The following DERA variants were observed in gnomAD, a reference collection of about 807,000 sequenced individuals.
DERA encodes 2-deoxy-D-ribose 5-phosphate aldolase.
In DERA, 15 loss-of-function variants were observed where a neutral mutation model predicts 41.1. The observed-to-expected ratio is 0.37, with a 90% CI of 0.24 to 0.56. The LOEUF is 0.56. Ranked by LOEUF, DERA falls within the 20% of genes least tolerant of loss-of-function variation. The probability of loss-of-function intolerance (pLI) is 0.81; values close to 1 mark genes in which losing one functional copy is unlikely to be tolerated. For missense variants in DERA, 396 were observed against 403.4 expected (o/e 0.98, Z 0.16); for synonymous variants, 139 against 137.4 (o/e 1.01, Z -0.08).
At position 16,000,824 on chromosome 12, in the gene DERA, A is replaced by G. The variant is rs920895759; in HGVS notation, c.637+18388A>G. Among the ~76,000 whole-genome samples, 1 of 152,046 alleles carries G rather than the reference A, an allele frequency of 6.6e-6. No homozygotes were observed. Among genetic ancestry groups the G allele is most frequent in the African/African-American group, 2.4e-5 (1 of 41,448 alleles). The stretch of plus-strand genomic sequence containing the variant: ...ATGTTACCTCAGAGTCTGTAATGAT[A>G]CCTATAGTTGCATCCATCAGATGTT... On this transcript the variant is annotated intron_variant, in intron 6 of 8. Transcript: ENST00000428559. The surrounding 1 kb of genome is among the most constrained non-coding windows in gnomAD (Gnocchi z 4.8).
rs1948360115 is a variant in DERA, at chr12:15,935,757, C to CA, written c.32-21175dup. Among the ~76,000 whole-genome samples the CA allele has an allele frequency of 6.6e-6, 1 of 151,916 alleles. No individual in the cohort carries two copies. The highest frequency in any genetic ancestry group is 6.6e-5 in the Admixed American group (1 of 15,258). ...TTTGTTGTTGTGTAATATATTACTCCAAAATTTAGGGGCCTGAAACAATAA... is the reference window on the plus strand; with the variant it reads ...TTTGTTGTTGTGTAATATATTACTCCAAAAATTTAGGGGCCTGAAACAATAA... On this transcript the variant is annotated intron_variant, in intron 1 of 8. Coordinates refer to ENST00000428559, the MANE Select transcript of DERA (RefSeq NM_015954.4). This position sits in a 1 kb window ranked among gnomAD's most constrained non-coding sequence, Gnocchi z 4.8.
intron 6 of DERA, among the ~76,000 whole-genome samples, chr12:16,005,317 G>A (rs532640801): frequency 3.3e-5 from 5 of 152,132 alleles, no homozygotes; most frequent in South Asian, 2.1e-4. Context: ...ACGGTAAGGC[G>A]CACCTACAGT....
At position 16,013,474 on chromosome 12, in the gene DERA, T is replaced by C. The variant is rs1948960093; in HGVS notation, c.638-19068T>C. On this transcript the variant is annotated intron_variant, in intron 6 of 8. Transcript: ENST00000428559. This position sits in a 1 kb window ranked among gnomAD's most constrained non-coding sequence, Gnocchi z 5.8. The stretch of plus-strand genomic sequence containing the variant: ...TTGCTCGGCACTTCTTGCTGCTGCC[T>C]TGTGAAGAAGGTGCCTCACTACCCC... 2.0e-5 allele frequency among the ~76,000 whole-genome samples: 3 copies of C among 152,184 alleles called. No individual in the cohort carries two copies. The highest frequency in any genetic ancestry group is 4.8e-5 in the African/African-American group (2 of 41,448).
rs1002434332 is a variant in DERA at position 15,924,760 on chromosome 12, C to T, written c.31+13346C>T. Among the ~76,000 whole-genome samples, 4 of 152,252 alleles carry T rather than the reference C, an allele frequency of 2.6e-5. No individual in the cohort carries two copies. The highest frequency in any genetic ancestry group is 5.9e-5 in the Non-Finnish European group (4 of 68,022). On this transcript the variant is annotated intron_variant, in intron 1 of 8. Coordinates refer to ENST00000428559, the MANE Select transcript of DERA (RefSeq NM_015954.4). This position sits in a 1 kb window ranked among gnomAD's most constrained non-coding sequence, Gnocchi z 5.0. The stretch of plus-strand genomic sequence containing the variant: ...AAATACTTGGCTTTCACCATTTCAC[C>T]TCCTCCCTGAAGGCTTACTTGGTCT...
At chr12:16,033,767 G>A (rs921261376) in intron 7 of DERA, among the ~76,000 whole-genome samples, 1 of 151,804 alleles carries the variant, frequency 6.6e-6, no homozygotes, top group African/African-American at 2.4e-5. Context: ...AGTTTATTTT[G>A]GAATAGTGAC....
intron 6 of DERA, among the ~76,000 whole-genome samples, chr12:16,024,799 G>A (rs968860475): frequency 6.6e-6 from 1 of 151,762 alleles, no homozygotes; most frequent in Admixed American, 6.6e-5. Context: ...TAGAGAAGGA[G>A]TAAATGAAAA....
At chr12:15,975,477 A>T (rs1461640802) in intron 5 of DERA, among the ~76,000 whole-genome samples, 1 of 152,034 alleles carries the variant, frequency 6.6e-6, no homozygotes. Context: ...TAGCTGCATG[A>T]CTCTTAAGCC....
Position 15,938,855 on chromosome 12 carries a change from A to G in DERA, c.32-18081A>G, listed in dbSNP as rs1022500714. On this transcript the variant is annotated intron_variant, in intron 1 of 8. Coordinates refer to ENST00000428559, the MANE Select transcript of DERA (RefSeq NM_015954.4). The surrounding 1 kb of genome is among the most constrained non-coding windows in gnomAD (Gnocchi z 4.1). ...TTGCTAATTCAAATACTGTAAAATTAAAAGTCTTCTCAATTTCATTTCTTT... is the reference window on the plus strand; with the variant it reads ...TTGCTAATTCAAATACTGTAAAATTGAAAGTCTTCTCAATTTCATTTCTTT... Among the ~76,000 whole-genome samples, 10 of 152,230 alleles carry G rather than the reference A, an allele frequency of 6.6e-5. No individual in the cohort carries two copies. The highest frequency in any genetic ancestry group is 2.4e-4 in the African/African-American group (10 of 41,474).
chr12:15,953,698 C>T (rs999166004), intron 1 of DERA, among the ~76,000 whole-genome samples: 1 of 152,106 alleles, frequency 6.6e-6, no homozygotes, highest in African/African-American at 2.4e-5. Context: ...AGATTATGTG[C>T]ATTAGAATCA....
intron 6 of DERA, among the ~76,000 whole-genome samples, chr12:16,007,127 T>G (rs1001324294): frequency 6.6e-6 from 1 of 152,166 alleles, no homozygotes; most frequent in Non-Finnish European, 1.5e-5. Flanking sequence ...ATTGTAAAAC[T>G]TAGTTATGTT....
Position 15,982,490 on chromosome 12 carries a change from A to T in DERA, c.637+54A>T. The stretch of plus-strand genomic sequence containing the variant: ...TCTATTGAATTGATGTTTTTAGGAG[A>T]AATTAAGTAAGTGAAAGCATTTAGC... On this transcript the variant is annotated intron_variant, in intron 6 of 8. Coordinates refer to ENST00000428559, the MANE Select transcript of DERA (RefSeq NM_015954.4). The surrounding 1 kb of genome is among the most constrained non-coding windows in gnomAD (Gnocchi z 4.0). The T allele has an allele frequency of 6.6e-7, 1 of 1,510,460 alleles. No homozygotes were observed. Among genetic ancestry groups the T allele is most frequent in the Middle Eastern group, 1.9e-4 (1 of 5,386 alleles). The allele number at this position is 1,510,460 out of a possible 1,614,324, so 93.6% of individuals were successfully genotyped here.
chr12:15,958,971 C>T (rs1040604926), intron 3 of DERA, among the ~76,000 whole-genome samples: 2 of 152,154 alleles, frequency 1.3e-5, no homozygotes, highest in African/African-American at 4.8e-5. Flanking sequence ...CCCAAGGCTA[C>T]ACGTCTTGTT....
rs1479715664 is a variant in DERA, at chr12:15,976,774, G to A, written c.509-5534G>A. On this transcript the variant is annotated intron_variant, in intron 5 of 8. Transcript: ENST00000428559. The surrounding 1 kb of genome is among the most constrained non-coding windows in gnomAD (Gnocchi z 4.1). ...GCAGAATTTGAGAAGGGTTTGAGCT[G>A]TAAAAATAAAGCTCTCCTATCTAAT... Among the ~76,000 whole-genome samples the A allele has an allele frequency of 6.6e-6, 1 of 152,158 alleles. No individual in the cohort carries two copies. The highest frequency in any genetic ancestry group is 1.9e-4 in the East Asian group (1 of 5,194).
At chr12:16,031,476 A>G (rs555480195) in intron 6 of DERA, among the ~76,000 whole-genome samples, 1 of 152,324 alleles carries the variant, frequency 6.6e-6, no homozygotes, top group African/African-American at 2.4e-5. Flanking sequence ...CAAATCACCT[A>G]GGAACTTTGG....
chr12:15,916,784 T>G (rs1327861337), intron 1 of DERA, among the ~76,000 whole-genome samples: 1 of 152,176 alleles, frequency 6.6e-6, no homozygotes, highest in East Asian at 1.9e-4. Context: ...TTTTAAAAAA[T>G]GTTTAAAATA....
At chr12:15,953,273 GT>G (rs1447796830) in intron 1 of DERA, among the ~76,000 whole-genome samples, 1 of 151,788 alleles carries the variant, frequency 6.6e-6, no homozygotes, top group Non-Finnish European at 1.5e-5. Flanking sequence ...GAGGAACAAA[GT>G]TAAAATCAAA....
Position 16,035,969 on chromosome 12 carries a change from A to G in DERA, c.751-263A>G, listed in dbSNP as rs551103061. On this transcript the variant is annotated intron_variant, in intron 7 of 8. Coordinates refer to ENST00000428559, the MANE Select transcript of DERA (RefSeq NM_015954.4). The surrounding 1 kb of genome is among the most constrained non-coding windows in gnomAD (Gnocchi z 4.1). Reference sequence around the variant, plus strand: ...TGGTGGAGGTTTATGACTTTCCAATAAGTGAAATGTTAATGAGGGTTATTA... The same window carrying G: ...TGGTGGAGGTTTATGACTTTCCAATGAGTGAAATGTTAATGAGGGTTATTA... Among the ~76,000 whole-genome samples the G allele has an allele frequency of 6.6e-6, 1 of 152,242 alleles. No individual in the cohort carries two copies. The highest frequency in any genetic ancestry group is 1.9e-4 in the East Asian group (1 of 5,178).
In DERA at chr12:16,036,332, A is replaced by T; in HGVS notation, c.851A>T (p.Glu284Val). 1 of 1,613,682 alleles carries T rather than the reference A, an allele frequency of 6.2e-7. No individual in the cohort carries two copies. Among genetic ancestry groups the T allele is most frequent in the Non-Finnish European group, 8.5e-7 (1 of 1,179,726 alleles). The change falls in exon 8 of 9, where the codon GAA becomes GTA. Residue 284 changes from glutamate (E) to valine (V), a missense_variant. By Grantham distance (121) the Glu-to-Val change is moderately radical. Transcript: ENST00000428559. The surrounding 1 kb of genome is among the most constrained non-coding windows in gnomAD (Gnocchi z 4.9). ...CTTGGAGATGAGTGGCTGAAGCCAG[A>T]ACTCTTTCGAATAGGTGCCAGTACT... ...EELGDEWLKP[E>V]LFRIGASTLL... is the part of the protein sequence containing the mutation.
In DERA at chr12:15,985,467, C is replaced by T. The variant is rs1399258207; in HGVS notation, c.637+3031C>T. 1 of 151,958 alleles carries T rather than the reference C, an allele frequency of 6.6e-6. No individual in the cohort carries two copies. The highest frequency in any genetic ancestry group is 2.4e-5 in the African/African-American group (1 of 41,376). The allele number at this position is 151,958 out of a possible 1,614,324, so 9.4% of individuals were successfully genotyped here. A position where few individuals can be genotyped will look rare whatever the true frequency, so the allele number is the denominator to read the frequency against. On this transcript the variant is annotated intron_variant, in intron 6 of 8. Transcript: ENST00000428559. This position sits in a 1 kb window ranked among gnomAD's most constrained non-coding sequence, Gnocchi z 4.2. ...GATATTGGTCATTTTTGTTTCCTTT[C>T]CTGTTGTTGTTTTTGCTTTTCTTTC...
Sources: allele counts gnomAD v4.1 joint callset (sites outside exome capture counted in the v4.1 genomes callset), GRCh38; gene constraint gnomAD v4.1.1; non-coding constraint Gnocchi (gnomAD v3.1); transcripts MANE v1.5; gene names NCBI Gene and HGNC (gene_info 2026-07-23, HGNC 2026-07-21).